Variants in SGCZ observed in about 807,000 individuals in gnomAD.
SGCZ encodes sarcoglycan zeta, also known as zeta-sarcoglycan.
Under a neutral mutation model 41.3 loss-of-function variants are expected in SGCZ, and 40 were observed. That is an observed-to-expected ratio of 0.97 (90% CI 0.75 to 1.26). The LOEUF (loss-of-function observed/expected upper bound fraction) is 1.26. Among genes scored for constraint, SGCZ ranks in the 50% most tolerant of loss-of-function variants. The pLI, the probability that SGCZ is intolerant of heterozygous loss-of-function variation, is 0.00. For synonymous variants in SGCZ, 206 were observed against 137.5 expected (o/e 1.50, Z -3.49); for missense variants, 552 against 369.8 (o/e 1.49, Z -4.04).
chr8:14,742,807 T>G (rs1222299278), intron 1 of SGCZ, among the ~76,000 whole-genome samples: 1 of 152,078 alleles, frequency 6.6e-6, no homozygotes, highest in Non-Finnish European at 1.5e-5. Context: ...CAGCTATGAA[T>G]GTATGTTACC....
At chr8:15,196,380 A>G (rs1242370938) in intron 1 of SGCZ, among the ~76,000 whole-genome samples, 5 of 152,236 alleles carry the variant, frequency 3.3e-5, no homozygotes, top group South Asian at 2.1e-4. Flanking sequence ...AAAACACCCC[A>G]GTGAAAAAGT....
intron 2 of SGCZ, among the ~76,000 whole-genome samples, chr8:14,443,270 A>G (rs554062966): frequency 7.9e-5 from 12 of 152,324 alleles, no homozygotes; most frequent in African/African-American, 2.9e-4. Context: ...CATCCCCATC[A>G]AGCTACCAGT....
chr8:15,132,511 G>A (rs1807948922), intron 1 of SGCZ, among the ~76,000 whole-genome samples: 1 of 152,154 alleles, frequency 6.6e-6, no homozygotes, highest in South Asian at 2.1e-4. Flanking sequence ...ACATGAGAGG[G>A]AAGACATATG....
chr8:14,236,497 T>C (rs1266807571), intron 4 of SGCZ, among the ~76,000 whole-genome samples: 1 of 152,074 alleles, frequency 6.6e-6, no homozygotes, highest in Non-Finnish European at 1.5e-5. Flanking sequence ...TTCATGTTTC[T>C]AAAGCTCATA....
intron 1 of SGCZ, among the ~76,000 whole-genome samples, chr8:15,118,434 A>G (rs1807351998): frequency 1.3e-5 from 2 of 152,138 alleles, no homozygotes; most frequent in South Asian, 4.1e-4. Context: ...GGACACTAGG[A>G]TCCCCAGAAC....
intron 2 of SGCZ, among the ~76,000 whole-genome samples, chr8:14,424,004 A>G (rs151254078): frequency 6.6e-6 from 1 of 152,196 alleles, no homozygotes; most frequent in African/African-American, 2.4e-5. Flanking sequence ...TATATGAGTT[A>G]TTGTTGGGGA....
rs955167295 is a variant in SGCZ, at chr8:14,869,307, C to A, written c.40-314381G>T. Among the ~76,000 whole-genome samples, 41 of 152,214 alleles carry A rather than the reference C, an allele frequency of 2.7e-4. 1 individual carries two copies. The highest frequency in any genetic ancestry group is 9.6e-4 in the African/African-American group (40 of 41,560). Reference sequence around the variant, plus strand: ...ACATATGCAAATCAATAAACGTAATCCATCACATATACAGAATCAATCACA... The same window carrying A: ...ACATATGCAAATCAATAAACGTAATACATCACATATACAGAATCAATCACA... On this transcript the variant is annotated intron_variant, in intron 1 of 7. Transcript: ENST00000382080.
At chr8:15,045,370 T>G (rs1804265959) in intron 1 of SGCZ, among the ~76,000 whole-genome samples, 1 of 152,052 alleles carries the variant, frequency 6.6e-6, no homozygotes, top group Non-Finnish European at 1.5e-5. Context: ...GTAAAGCAAT[T>G]AAAATAATAT....
chr8:14,202,451 A>G (rs962673863), intron 4 of SGCZ, among the ~76,000 whole-genome samples: 9 of 152,120 alleles, frequency 5.9e-5, no homozygotes, highest in Admixed American at 5.9e-4. Flanking sequence ...GCCATAGATA[A>G]CGAATGTACC....
intron 3 of SGCZ, among the ~76,000 whole-genome samples, chr8:14,273,906 G>T (rs572363348): frequency 1.7e-4 from 26 of 152,102 alleles, no homozygotes; most frequent in Non-Finnish European, 3.4e-4. Flanking sequence ...AAATGTTTAC[G>T]TTGTTTTACA....
intron 1 of SGCZ, among the ~76,000 whole-genome samples, chr8:15,066,737 G>A (rs1161587920): frequency 2.6e-5 from 4 of 152,052 alleles, no homozygotes; most frequent in Non-Finnish European, 4.4e-5. Flanking sequence ...TTTTAGACCA[G>A]CTGATTTCCA....
chr8:14,774,322 A>C (rs2130407676), intron 1 of SGCZ, among the ~76,000 whole-genome samples: 1 of 152,266 alleles, frequency 6.6e-6, no homozygotes, highest in Non-Finnish European at 1.5e-5. Flanking sequence ...TGCATCAGCC[A>C]ATTTCTTAAG....
At chr8:14,986,685 G>C (rs752588904) in intron 1 of SGCZ, among the ~76,000 whole-genome samples, 2 of 152,012 alleles carry the variant, frequency 1.3e-5, no homozygotes, top group Non-Finnish European at 2.9e-5. Flanking sequence ...CTTCTAGGTT[G>C]AGACCTAATT....
At chr8:14,153,064 T>C (rs1238520884) in intron 5 of SGCZ, among the ~76,000 whole-genome samples, 4 of 152,164 alleles carry the variant, frequency 2.6e-5, no homozygotes, top group African/African-American at 9.7e-5. Flanking sequence ...AGACAAGGGA[T>C]GCCCACAGTG....
At chr8:14,610,398 A>T (rs1277185259) in intron 1 of SGCZ, among the ~76,000 whole-genome samples, 3 of 152,176 alleles carry the variant, frequency 2.0e-5, no homozygotes, top group Non-Finnish European at 4.4e-5. Flanking sequence ...TCTTAGAATA[A>T]TTCTTCTTCT....
intron 2 of SGCZ, among the ~76,000 whole-genome samples, chr8:14,333,107 T>C (rs1563262859): frequency 6.6e-6 from 1 of 152,106 alleles, no homozygotes; most frequent in East Asian, 1.9e-4. Context: ...TCAACTGGTA[T>C]AGCTCAGTCT....
intron 2 of SGCZ, among the ~76,000 whole-genome samples, chr8:14,381,775 G>A (rs1339212175): frequency 1.3e-5 from 2 of 150,894 alleles, no homozygotes; most frequent in African/African-American, 4.9e-5. Context: ...AAAAAAGCAA[G>A]ACCCTGTCTC....
intron 4 of SGCZ, among the ~76,000 whole-genome samples, chr8:14,186,692 G>T (rs866815007): frequency 3.3e-5 from 5 of 152,168 alleles, no homozygotes; most frequent in Admixed American, 1.3e-4. Flanking sequence ...AAAACAGGGG[G>T]TTCTGAAGCC....
chr8:14,569,825 G>A (rs924440965), intron 1 of SGCZ, among the ~76,000 whole-genome samples: 1 of 152,160 alleles, frequency 6.6e-6, no homozygotes, highest in Admixed American at 6.5e-5. Context: ...TTTCAGGTGG[G>A]TGGGGGCTGA....
Sources: allele counts gnomAD v4.1 joint callset (sites outside exome capture counted in the v4.1 genomes callset), GRCh38; gene constraint gnomAD v4.1.1; transcripts MANE v1.5; gene names NCBI Gene and HGNC (gene_info 2026-07-23, HGNC 2026-07-21).